The following TUSC3 variants were observed in gnomAD, a reference collection of about 807,000 sequenced individuals.
TUSC3 encodes dolichyl-diphosphooligosaccharide--protein glycosyltransferase subunit TUSC3.
A neutral mutation model predicts 44.8 loss-of-function variants in TUSC3; 45 were observed. The observed-to-expected ratio is 1.00, with a 90% confidence interval of 0.79 to 1.29. TUSC3 has a LOEUF of 1.29. TUSC3 is among the 50% of genes most tolerant of loss of function. TUSC3 has a pLI of 0.00. For missense variants in TUSC3, 519 were observed against 437.9 expected, an observed-to-expected ratio of 1.19 and a Z score of -1.65; for synonymous variants, 212 against 152.9, an observed-to-expected ratio of 1.39 and a Z score of -2.85.
rs563075940 is a variant in TUSC3, at chr8:15,451,035, C to G, written n.92-32351C>G. Among the ~76,000 whole-genome samples the G allele has an allele frequency of 1.2e-3, 182 of 152,234 alleles. 1 individual carries two copies. The highest frequency in any genetic ancestry group is 6.8e-3 in the Middle Eastern group (2 of 294). ...CTTCCAGAAAGGAAACTTCACAAAC[C>G]TTTTTCCTGAACATCACTAGCTTTG... is the stretch of plus-strand genomic sequence containing the variant. On this transcript the variant is annotated intron_variant and non_coding_transcript_variant, in intron 1 of 5. Transcript: ENST00000503191.
At chr8:15,588,935 C>T (rs1803709367) in intron 1 of TUSC3, among the ~76,000 whole-genome samples, 1 of 152,102 alleles carries the variant, frequency 6.6e-6, no homozygotes, top group Admixed American at 6.6e-5. Flanking sequence ...TGTACTAGCA[C>T]CATGCTGTTT....
At chr8:15,726,058 C>G (rs893870439) in intron 6 of TUSC3, among the ~76,000 whole-genome samples, 7 of 152,130 alleles carry the variant, frequency 4.6e-5, no homozygotes, top group Non-Finnish European at 8.8e-5. Context: ...CGGAACATTA[C>G]GTGTTTAAAA....
At chr8:15,499,913 T>G (rs1400340378) in intron 2 of TUSC3, among the ~76,000 whole-genome samples, 1 of 152,240 alleles carries the variant, frequency 6.6e-6, no homozygotes, top group Non-Finnish European at 1.5e-5. Flanking sequence ...GTATTCTGTT[T>G]CTCTGTAGAA....
At chr8:15,522,105 C>A (rs890253769) in intron 2 of TUSC3, among the ~76,000 whole-genome samples, 1 of 152,162 alleles carries the variant, frequency 6.6e-6, no homozygotes, top group Non-Finnish European at 1.5e-5. Flanking sequence ...TTACAGTAGA[C>A]TATTGTTGTG....
intron 1 of TUSC3, among the ~76,000 whole-genome samples, chr8:15,455,686 T>A (rs1025857948): frequency 1.3e-5 from 2 of 152,176 alleles, no homozygotes; most frequent in Admixed American, 6.5e-5. Flanking sequence ...GAAAATTACA[T>A]CAGTTTAGGA....
chr8:15,806,070 A>T, the TUSC3 span: 1 of 277,482 alleles, frequency 3.6e-6, no homozygotes, highest in Non-Finnish European at 7.1e-6. Context: ...TTGAGGACGG[A>T]TGTTAAAAGG....
chr8:15,599,563 A>C (rs1186849351), intron 1 of TUSC3, among the ~76,000 whole-genome samples: 2 of 151,636 alleles, frequency 1.3e-5, no homozygotes, highest in Non-Finnish European at 3.0e-5. Context: ...ATAGTTTTGC[A>C]TTTCACATTA....
At chr8:15,423,746 C>G (rs765596929) in intron 1 of TUSC3, among the ~76,000 whole-genome samples, 5 of 151,992 alleles carry the variant, frequency 3.3e-5, no homozygotes, top group Admixed American at 1.3e-4. Context: ...TACCTTTACT[C>G]TCATTCTGAA....
chr8:15,488,742 T>C (rs935028938), intron 2 of TUSC3, among the ~76,000 whole-genome samples: 5 of 152,160 alleles, frequency 3.3e-5, no homozygotes, highest in African/African-American at 1.2e-4. Flanking sequence ...GGCAAGAAAG[T>C]GCAGACTGTA....
the TUSC3 span, among the ~76,000 whole-genome samples, chr8:15,796,120 A>C: frequency 6.6e-6 from 1 of 152,146 alleles, no homozygotes; most frequent in African/African-American, 2.4e-5. Context: ...CTGCATCAGA[A>C]ATACAGGGTC....
chr8:15,737,511 C>T (rs1023075514), intron 7 of TUSC3, among the ~76,000 whole-genome samples: 2 of 151,966 alleles, frequency 1.3e-5, no homozygotes, highest in African/African-American at 4.8e-5. Flanking sequence ...ACAGGATCAG[C>T]AAAGAAACTG....
At chr8:15,555,106 T>G (rs1802200184) in intron 1 of TUSC3, among the ~76,000 whole-genome samples, 1 of 149,014 alleles carries the variant, frequency 6.7e-6, no homozygotes, top group Non-Finnish European at 1.5e-5. Flanking sequence ...TCTCCTTGAT[T>G]AGGTACGTAG....
chr8:15,611,593 G>A (rs1030379292), intron 1 of TUSC3, among the ~76,000 whole-genome samples: 1 of 151,976 alleles, frequency 6.6e-6, no homozygotes, highest in African/African-American at 2.4e-5. Flanking sequence ...TTAACCTCTT[G>A]GAATTTTTGC....
chr8:15,815,269 G>A, the TUSC3 span, among the ~76,000 whole-genome samples: 2 of 152,050 alleles, frequency 1.3e-5, no homozygotes, highest in African/African-American at 4.8e-5. Flanking sequence ...GAATTCTAAT[G>A]GGAAGAGCAG....
intron 9 of TUSC3, among the ~76,000 whole-genome samples, chr8:15,752,994 A>G (rs917987214): frequency 6.6e-5 from 10 of 152,078 alleles, no homozygotes; most frequent in African/African-American, 2.4e-4. Flanking sequence ...GGAAATCTAC[A>G]TAAAAACTAA....
chr8:15,791,195 A>G, the TUSC3 span, among the ~76,000 whole-genome samples: 27 of 152,062 alleles, frequency 1.8e-4, no homozygotes, highest in Non-Finnish European at 3.4e-4. Context: ...ATTTGTTAAT[A>G]TAGTTGCTGA....
At chr8:15,656,240 C>G (rs1480092212) in intron 3 of TUSC3, among the ~76,000 whole-genome samples, 1 of 152,082 alleles carries the variant, frequency 6.6e-6, no homozygotes, top group Non-Finnish European at 1.5e-5. Context: ...TGAACTCATT[C>G]TAGTACCAAC....
chr8:15,801,578 C>T, the TUSC3 span, among the ~76,000 whole-genome samples: 1 of 152,164 alleles, frequency 6.6e-6, no homozygotes, highest in East Asian at 1.9e-4. Flanking sequence ...AATGTGATGG[C>T]TCAGTGTCTG....
At chr8:15,609,742 C>G (rs964456301) in intron 1 of TUSC3, among the ~76,000 whole-genome samples, 3 of 141,370 alleles carry the variant, frequency 2.1e-5, no homozygotes, top group Non-Finnish European at 4.7e-5. Context: ...GTCAGGAGGA[C>G]AACAAACATT....
Sources: gnomAD v4.1 joint callset for allele counts (sites outside exome capture counted in the v4.1 genomes callset) on GRCh38, gnomAD v4.1.1 for gene constraint, MANE v1.5 for transcripts, NCBI Gene and HGNC (gene_info 2026-07-23, HGNC 2026-07-21) for gene names.